Variants in DISC1 observed in about 807,000 individuals in gnomAD.
DISC1 encodes the protein disrupted in schizophrenia 1 protein.
In DISC1, 57 loss-of-function variants were observed where a neutral mutation model predicts 84.5. That is an observed-to-expected ratio of 0.67 (90% CI 0.55 to 0.84). DISC1 has a LOEUF of 0.84. DISC1 is among the 40% of genes least tolerant of loss of function. The probability of loss-of-function intolerance (pLI) is 0.00; values close to 1 mark genes in which losing one functional copy is unlikely to be tolerated. For synonymous variants in DISC1, 411 were observed against 415.2 expected, an observed-to-expected ratio of 0.99 and a Z score of 0.12; for missense variants, 1,000 against 1,057.8, an observed-to-expected ratio of 0.95 and a Z score of 0.76.
At position 231,923,895 on chromosome 1, in the gene DISC1, A is replaced by G. The variant is rs202109805; in HGVS notation, c.1982-34933A>G. ...AACAGCTTCGTTTTTGGGCCAGAGA[A>G]TTGTTTCCACCAGAGGAGGCGTGAT... On this transcript the variant is annotated intron_variant, in intron 9 of 12. Coordinates refer to ENST00000439617, the MANE Select transcript of DISC1 (RefSeq NM_018662.3). 6.0e-4 allele frequency among the ~76,000 whole-genome samples: 92 copies of G among 152,182 alleles called. 1 individual carries two copies. Among genetic ancestry groups the G allele is most frequent in the Non-Finnish European group, 1.1e-3 (72 of 68,044 alleles).
In DISC1 at chr1:231,632,793, A is replaced by T. The variant is rs751229; in HGVS notation, c.67+5859A>T. Among the ~76,000 whole-genome samples, 2 of 151,958 alleles carry T rather than the reference A, an allele frequency of 1.3e-5. No homozygotes were observed. Among genetic ancestry groups the T allele is most frequent in the African/African-American group, 4.8e-5 (2 of 41,316 alleles). ...CTCTTAAAAACTTAGATTTTCAGCC[A>T]GGCGCAGTGGCTCATGCCTGTAATT... is the stretch of plus-strand genomic sequence containing the variant. On this transcript the variant is annotated intron_variant, in intron 1 of 12. Coordinates refer to ENST00000439617, the MANE Select transcript of DISC1 (RefSeq NM_018662.3).
chr1:231,636,444 C>G (rs2059209778), intron 1 of DISC1, among the ~76,000 whole-genome samples: 2 of 152,256 alleles, frequency 1.3e-5, no homozygotes, highest in South Asian at 2.1e-4. Context: ...GCACTCCCTC[C>G]TAATCATGCA....
At chr1:231,819,242 T>G (rs1399923216) in intron 9 of DISC1, 1 of 737,912 alleles carries the variant, frequency 1.4e-6, no homozygotes, top group Non-Finnish European at 1.7e-6. Context: ...ATGGCTATAT[T>G]TTACAAAGTA....
chr1:231,825,586 G>T (rs983600980), intron 9 of DISC1, among the ~76,000 whole-genome samples: 1 of 152,224 alleles, frequency 6.6e-6, no homozygotes, highest in South Asian at 2.1e-4. Context: ...TGGGTGAGGG[G>T]ATTATTTTTT....
intron 10 of DISC1, among the ~76,000 whole-genome samples, chr1:231,979,800 AC>A (rs1388902795): frequency 6.6e-6 from 1 of 151,922 alleles, no homozygotes; most frequent in Non-Finnish European, 1.5e-5. Context: ...TACTATAAAA[AC>A]AACTTAAGAT....
chr1:231,937,963 C>T (rs1298932726), intron 9 of DISC1, among the ~76,000 whole-genome samples: 4 of 151,930 alleles, frequency 2.6e-5, no homozygotes, highest in Non-Finnish European at 4.4e-5. Flanking sequence ...CTTCTATAGA[C>T]ATCTCCTCCC....
intron 9 of DISC1, among the ~76,000 whole-genome samples, chr1:231,929,399 A>G (rs750710839): frequency 1.3e-5 from 2 of 152,204 alleles, no homozygotes; most frequent in African/African-American, 2.4e-5. Context: ...ACAATACACA[A>G]TCTCACAGCC....
intron 1 of DISC1, among the ~76,000 whole-genome samples, chr1:231,664,014 A>G (rs927324672): frequency 2.9e-4 from 43 of 148,794 alleles, no homozygotes; most frequent in African/African-American, 1.0e-3. Flanking sequence ...TGCTAATGCC[A>G]TATCTATCTA....
intron 9 of DISC1, among the ~76,000 whole-genome samples, chr1:231,885,889 C>G (rs1467918486): frequency 6.6e-6 from 1 of 152,172 alleles, no homozygotes. Flanking sequence ...TCTTTGTTTT[C>G]TGTGGCCATA....
intron 6 of DISC1, among the ~76,000 whole-genome samples, chr1:231,792,187 T>C (rs543476376): frequency 1.3e-5 from 2 of 152,316 alleles, no homozygotes; most frequent in African/African-American, 4.8e-5. Flanking sequence ...ATAGCATAAA[T>C]TAATTATAAA....
chr1:231,910,013 G>A (rs1294779490), intron 9 of DISC1, among the ~76,000 whole-genome samples: 7 of 152,158 alleles, frequency 4.6e-5, no homozygotes, highest in African/African-American at 1.7e-4. Flanking sequence ...CTGTGGGATC[G>A]GTGGTGATAT....
At chr1:231,671,187 T>C (rs1217362982) in intron 1 of DISC1, among the ~76,000 whole-genome samples, 1 of 152,228 alleles carries the variant, frequency 6.6e-6, no homozygotes, top group Non-Finnish European at 1.5e-5. Context: ...AGCTGTGTGA[T>C]CTTTTATTTG....
chr1:231,987,515 A>C (rs1664620934), intron 10 of DISC1, among the ~76,000 whole-genome samples: 1 of 152,262 alleles, frequency 6.6e-6, no homozygotes, highest in South Asian at 2.1e-4. Flanking sequence ...TCTATGAACA[A>C]AATGAGTTTA....
intron 7 of DISC1, among the ~76,000 whole-genome samples, chr1:231,797,108 A>G (rs1202253995): frequency 6.6e-6 from 1 of 152,180 alleles, no homozygotes; most frequent in African/African-American, 2.4e-5. Context: ...TTTATTGACT[A>G]TCTTCAGAAC....
chr1:231,705,112 C>A (rs1014590543), intron 3 of DISC1, among the ~76,000 whole-genome samples: 6 of 151,070 alleles, frequency 4.0e-5, no homozygotes, highest in Admixed American at 6.6e-5. Context: ...CATAGTGAAA[C>A]CCCGTCTCTA....
intron 9 of DISC1, among the ~76,000 whole-genome samples, chr1:231,847,821 A>G (rs937590819): frequency 6.6e-6 from 1 of 152,222 alleles, no homozygotes; most frequent in Non-Finnish European, 1.5e-5. Context: ...CTCAGTGCTC[A>G]GTGTGGTACT....
At chr1:231,681,920 G>A (rs941207862) in intron 1 of DISC1, among the ~76,000 whole-genome samples, 1 of 152,042 alleles carries the variant, frequency 6.6e-6, no homozygotes, top group Non-Finnish European at 1.5e-5. Context: ...GGCTGGTCTC[G>A]AACTCCTGAC....
At chr1:231,740,727 A>G (rs1031650055) in intron 3 of DISC1, among the ~76,000 whole-genome samples, 2 of 152,236 alleles carry the variant, frequency 1.3e-5, no homozygotes, top group African/African-American at 4.8e-5. Flanking sequence ...ACCCAAGCCT[A>G]TACATGAAAT....
chr1:231,693,787 T>A, intron 1 of DISC1, 39 bp from the exon 2 acceptor site: 1 of 1,611,662 alleles, frequency 6.2e-7, no homozygotes, highest in Non-Finnish European at 8.5e-7. Flanking sequence ...GCCAGTAAGA[T>A]CTGCATGTTT....
Sources: gnomAD v4.1 joint callset for allele counts (sites outside exome capture counted in the v4.1 genomes callset) on GRCh38, gnomAD v4.1.1 for gene constraint, MANE v1.5 for transcripts, NCBI Gene and HGNC (gene_info 2026-07-23, HGNC 2026-07-21) for gene names.